The following FYCO1 variants were observed in gnomAD, a reference collection of about 807,000 sequenced individuals.
The protein encoded by FYCO1 is FYVE and coiled-coil domain autophagy adaptor 1, also known as FYVE and coiled-coil domain-containing protein 1.
Under a neutral mutation model 165.1 loss-of-function variants are expected in FYCO1, and 122 were observed. The ratio of observed to expected loss-of-function variants is 0.74; its 90% confidence interval spans 0.64 to 0.86. The LOEUF is 0.86. Ranked by LOEUF, FYCO1 falls within the 40% of genes least tolerant of loss-of-function variation. FYCO1 has a pLI of 0.00. For missense variants in FYCO1, 1,702 were observed against 1,810.3 expected (o/e 0.94, Z 1.09); for synonymous variants, 648 against 742.5 (o/e 0.87, Z 2.07).
intron 2 of FYCO1, among the ~76,000 whole-genome samples, chr3:45,982,135 A>T (rs913917356): frequency 2.6e-5 from 4 of 152,212 alleles, no homozygotes; most frequent in Non-Finnish European, 5.9e-5. Context: ...GACAATCACA[A>T]TTCCAACAAT....
chr3:45,955,255 G>A lies in FYCO1; in HGVS notation c.3938C>T (p.Ala1313Val). 1 of 1,613,910 alleles carries A rather than the reference G, an allele frequency of 6.2e-7. No homozygotes were observed. The highest frequency in any genetic ancestry group is 8.5e-7 in the Non-Finnish European group (1 of 1,180,034). ...GGGGGTGACCTCTACTCACTGTTCA[G>A]CCGCATTTGGGTCGAGAGAATCAGT... ...TETDSLDPNAAEQDTTSTSLT... is the reference protein window; with the variant it reads ...TETDSLDPNAVEQDTTSTSLT... Residue 1313 changes from alanine (A) to valine (V), a missense_variant, in exon 14 of 18, where the codon GCT (alanine) becomes GTT (valine). Ala to Val is a moderately conservative substitution (Grantham distance 64). Transcript: ENST00000296137.
intron 3 of FYCO1, 67 bp downstream of exon 3, chr3:45,981,503 A>G: frequency 9.9e-7 from 1 of 1,009,152 alleles, no homozygotes; most frequent in South Asian, 1.3e-5. Context: ...TTGAATGCTG[A>G]TGAGTCACCC....
At position 45,946,455 on chromosome 3, in the gene FYCO1, TCACA is replaced by T. The variant is rs1704612907; in HGVS notation, c.3944+8790_3944+8793del. ...CCAAATATAATTCCTGGGTTCTGACTCACAGGTGTTCATCAGAACAGACACCATG... is the reference window on the plus strand; with the variant it reads ...CCAAATATAATTCCTGGGTTCTGACTGGTGTTCATCAGAACAGACACCATG... On this transcript the variant is annotated intron_variant, in intron 14 of 17. Coordinates refer to ENST00000296137, the MANE Select transcript of FYCO1 (RefSeq NM_024513.4). 2.5e-6 allele frequency: 4 copies of T among 1,580,576 alleles called. No homozygotes were observed. In the African/African-American group the frequency reaches 5.4e-5, roughly 21 times the overall value.
chr3:45,947,077 G>C (rs769064843), intron 14 of FYCO1: 11 of 1,614,076 alleles, frequency 6.8e-6, no homozygotes, highest in Non-Finnish European at 8.5e-6. Flanking sequence ...ATGACACTGG[G>C]GTTCTTCTTG....
chr3:45,958,432 C>G lies in FYCO1; in HGVS notation c.3775G>C (p.Gly1259Arg). ...CCTTGGCCTCCTGTGGCCTGGGGCC[C>G]AGGTGAGGCTGGTGACAGTGCAGGG... ...PSPALSPASP[G>R]PQATGGQGAN... The change falls in exon 13 of 18, where the codon GGG becomes CGG. Residue 1259 changes from glycine to arginine, a missense_variant. By Grantham distance (125) the Gly-to-Arg change is moderately radical. Coordinates refer to ENST00000296137, the MANE Select transcript of FYCO1 (RefSeq NM_024513.4). The G allele has an allele frequency of 6.2e-7, 1 of 1,612,688 alleles. No individual in the cohort carries two copies. The highest frequency in any genetic ancestry group is 8.5e-7 in the Non-Finnish European group (1 of 1,180,008).
chr3:45,938,295 A>T lies in FYCO1; in HGVS notation c.3945-1752T>A, dbSNP rs563020539. ...TAGGAATGGGATAGGTGGGTGATGC[A>T]GTCTCAAAGGTGACAATTAGGGCAG... On this transcript the variant is annotated intron_variant, in intron 14 of 17. Transcript: ENST00000296137. The T allele has an allele frequency of 9.1e-5, 110 of 1,212,326 alleles. 1 individual carries two copies. In the South Asian group the frequency reaches 1.4e-3, roughly 15 times the overall value. The allele number at this position is 1,212,326 out of a possible 1,614,324, so 75.1% of individuals were successfully genotyped here.
Position 45,993,413 on chromosome 3 carries a change from G to A in FYCO1, c.-113+2309C>T, listed in dbSNP as rs573532617. Among the ~76,000 whole-genome samples the A allele has an allele frequency of 2.6e-5, 4 of 152,318 alleles. No individual in the cohort carries two copies. Among genetic ancestry groups the A allele is most frequent in the African/African-American group, 9.6e-5 (4 of 41,558 alleles). On this transcript the variant is annotated intron_variant, in intron 1 of 17. Coordinates refer to ENST00000296137, the MANE Select transcript of FYCO1 (RefSeq NM_024513.4). This position sits in a 1 kb window ranked among gnomAD's most constrained non-coding sequence, Gnocchi z 4.4. ...CAGACATTTCAGCCATTTTTGTGAT[G>A]TATCAACGAACAGCAAGAAGGTAAA...
intron 1 of FYCO1, among the ~76,000 whole-genome samples, chr3:45,986,396 A>G (rs1707319629): frequency 6.6e-6 from 1 of 152,152 alleles, no homozygotes; most frequent in Non-Finnish European, 1.5e-5. Flanking sequence ...AGTCCAGGCA[A>G]GCAGATCCTG....
chr3:45,937,197 C>T (rs576658809), intron 14 of FYCO1, among the ~76,000 whole-genome samples: 1 of 152,326 alleles, frequency 6.6e-6, no homozygotes, highest in East Asian at 1.9e-4. Flanking sequence ...CAGAGCCCAA[C>T]CAGCTCCACT....
At position 45,967,198 on chromosome 3, in the gene FYCO1, C is replaced by T; in HGVS notation, c.2136G>A (p.Leu712=). The change falls in exon 8 of 18, where the codon CTG becomes CTA. Residue 712 remains leucine, a synonymous_variant. Coordinates refer to ENST00000296137, the MANE Select transcript of FYCO1 (RefSeq NM_024513.4). ...LQSKEGECQQ[L]REEVEQCQQL... Reference sequence around the variant, plus strand: ...GCTGGCACTGCTCCACCTCCTCCCGCAGCTGCTGACACTCGCCCTCCTTGC... The same window carrying T: ...GCTGGCACTGCTCCACCTCCTCCCGTAGCTGCTGACACTCGCCCTCCTTGC... 4 of 1,613,982 alleles carry T rather than the reference C, an allele frequency of 2.5e-6. No individual in the cohort carries two copies. Among genetic ancestry groups the T allele is most frequent in the Non-Finnish European group, 3.4e-6 (4 of 1,179,942 alleles).
chr3:45,934,724 C>A (rs1319299949), intron 15 of FYCO1, among the ~76,000 whole-genome samples: 1 of 152,182 alleles, frequency 6.6e-6, no homozygotes, highest in African/African-American at 2.4e-5. Context: ...GAAAAAAGAT[C>A]TGGCAAAATT....
intron 13 of FYCO1, among the ~76,000 whole-genome samples, chr3:45,956,816 T>C (rs1000782074): frequency 3.3e-5 from 5 of 152,162 alleles, no homozygotes; most frequent in Non-Finnish European, 7.3e-5. Context: ...ATGTCAATTC[T>C]CCCCAAACTG....
chr3:45,952,313 G>A (rs1376229704), intron 14 of FYCO1, among the ~76,000 whole-genome samples: 1 of 151,928 alleles, frequency 6.6e-6, no homozygotes, highest in Non-Finnish European at 1.5e-5. Context: ...GAAGTTTCTT[G>A]CCAGGGATGC....
At chr3:45,994,098 TA>T (rs983905311) in intron 1 of FYCO1, among the ~76,000 whole-genome samples, 3 of 151,970 alleles carry the variant, frequency 2.0e-5, no homozygotes, top group African/African-American at 7.3e-5. Flanking sequence ...AGGACCAGGT[TA>T]AAAACTTGGC....
intron 5 of FYCO1, among the ~76,000 whole-genome samples, chr3:45,973,511 A>G (rs182874000): frequency 6.6e-6 from 1 of 152,298 alleles, no homozygotes; most frequent in East Asian, 1.9e-4. Flanking sequence ...AACATCAATT[A>G]TTTGCCAAGA....
rs1703050706 is a variant in FYCO1 at position 45,920,417 on chromosome 3, C to T, written c.*1348G>A. The T allele has an allele frequency of 6.6e-6, 1 of 152,260 alleles. No individual in the cohort carries two copies. Among genetic ancestry groups the T allele is most frequent in the South Asian group, 2.1e-4 (1 of 4,828 alleles). 9.4% of individuals were successfully genotyped at this position (152,260 alleles called of 1,614,324 possible). On this transcript the variant is annotated 3_prime_UTR_variant, in exon 18 of 18. Coordinates refer to ENST00000296137, the MANE Select transcript of FYCO1 (RefSeq NM_024513.4). The stretch of plus-strand genomic sequence containing the variant: ...GCTCTCTCCCTCACCCCTGGCCAAA[C>T]TGGGACCTTTTGTCAGATGCTCTGT...
In FYCO1 at chr3:45,967,500, C is replaced by T. The variant is rs1421582960; in HGVS notation, c.1834G>A (p.Glu612Lys). 6.2e-7 allele frequency: 1 copy of T among 1,613,762 alleles called. No individual in the cohort carries two copies. The highest frequency in any genetic ancestry group is 1.7e-5 in the Admixed American group (1 of 60,028). Residue 612 changes from glutamate (E) to lysine (K), a missense_variant, in exon 8 of 18, where the codon GAA (glutamate) becomes AAA (lysine). Physicochemically the swap from Glu to Lys is moderately conservative, Grantham distance 56. Coordinates refer to ENST00000296137, the MANE Select transcript of FYCO1 (RefSeq NM_024513.4). ...DTKVQEGSQE[E>K]ELRQANRELE... The stretch of plus-strand genomic sequence containing the variant: ...TCCCTGTTGGCCTGCCGGAGCTCTT[C>T]CTCCTGGCTGCCCTCTTGCACCTTG...
At chr3:45,946,225 C>T (rs1317360794) in intron 14 of FYCO1, 2 of 455,132 alleles carry the variant, frequency 4.4e-6, no homozygotes, top group Non-Finnish European at 4.0e-6. Flanking sequence ...TGAGTTGTCT[C>T]CCAGATGGGT....
rs550307320 is a variant in FYCO1, at chr3:45,920,330, C to T, written c.*1435G>A. 2.0e-5 allele frequency: 3 copies of T among 152,282 alleles called. No individual in the cohort carries two copies. Among genetic ancestry groups the T allele is most frequent in the Admixed American group, 1.3e-4 (2 of 15,286 alleles). 9.4% of individuals were successfully genotyped at this position (152,282 alleles called of 1,614,324 possible). On this transcript the variant is annotated 3_prime_UTR_variant, in exon 18 of 18. Coordinates refer to ENST00000296137, the MANE Select transcript of FYCO1 (RefSeq NM_024513.4). ...GGGAAATGTGTGACTGGACTTAGGT[C>T]ACAAGGGTAGCTGGAGGAACTGCCG...
Sources: gnomAD v4.1 joint callset for allele counts (sites outside exome capture counted in the v4.1 genomes callset) on GRCh38, gnomAD v4.1.1 for gene constraint, Gnocchi (gnomAD v3.1) non-coding constraint, MANE v1.5 for transcripts, NCBI Gene and HGNC (gene_info 2026-07-23, HGNC 2026-07-21) for gene names.